NCOR1: variants seen among roughly 807,000 people sequenced by gnomAD.
NCOR1 encodes the protein protein phosphatase 1, regulatory subunit 109.
NCOR1 carries 63 observed loss-of-function variants against 288.1 expected under a neutral mutation model. That is an observed-to-expected ratio of 0.22 (90% CI 0.18 to 0.27). The LOEUF (loss-of-function observed/expected upper bound fraction) is 0.27, where lower values mean the gene tolerates loss of function less well. NCOR1 is among the 10% of genes least tolerant of loss of function. The pLI, the probability that NCOR1 is intolerant of heterozygous loss-of-function variation, is 1.00. For missense variants in NCOR1, 2,397 were observed against 3,019.2 expected, an observed-to-expected ratio of 0.79 and a Z score of 4.83; for synonymous variants, 1,007 against 1,065.9, an observed-to-expected ratio of 0.94 and a Z score of 1.08.
At position 16,101,402 on chromosome 17, in the gene NCOR1, C is replaced by G. The variant is rs111909325; in HGVS notation, c.2538G>C (p.Leu846Phe). 1.5e-5 allele frequency: 25 copies of G among 1,614,100 alleles called. No homozygotes were observed. Among genetic ancestry groups the G allele is most frequent in the Non-Finnish European group, 2.1e-5 (25 of 1,180,050 alleles). Residue 846 changes from leucine (L) to phenylalanine (F), a missense_variant, in exon 20 of 46, where the codon TTG (leucine) becomes TTC (phenylalanine). Leu to Phe is a conservative substitution (Grantham distance 22). Around this residue, in one of 11 missense-constraint regions of NCOR1, gnomAD observed 1,872 missense variants for 2,187.8 expected, o/e 0.86. Coordinates refer to ENST00000268712, the MANE Select transcript of NCOR1 (RefSeq NM_006311.4). The part of the protein sequence containing the change: ...VEGDNTKERD[L>F]DRASEKVEPR... ...GTTCCACCTTCTCACTGGCTCTATC[C>G]AAGTCTCTTTCTTTGGTATTATCAC...
chr17:16,092,670 TA>T lies in NCOR1; in HGVS notation c.2821-613del, dbSNP rs1567957574. ...ATTTATATATATATATATATATATA[TA>T]TATATATATATATATATATATATAT... On this transcript the variant is annotated intron_variant, in intron 21 of 45. Transcript: ENST00000268712. Among the ~76,000 whole-genome samples, 114 of 15,868 alleles carry T rather than the reference TA, an allele frequency of 7.2e-3. 5 individuals carry two copies. Among genetic ancestry groups the T allele is most frequent in the African/African-American group, 0.033 (108 of 3,234 alleles). 10.4% of individuals were successfully genotyped at this position (15,868 alleles called of 152,430 possible). A position where few individuals can be genotyped will look rare whatever the true frequency, so the allele number is the denominator to read the frequency against.
chr17:16,052,057 G>A (rs930522759), intron 40 of NCOR1, among the ~76,000 whole-genome samples: 6 of 152,146 alleles, frequency 3.9e-5, no homozygotes, highest in African/African-American at 1.4e-4. Flanking sequence ...CGCCCAGGCT[G>A]GAGTGCGGTG....
chr17:16,144,852 T>C (rs914138309), intron 10 of NCOR1, among the ~76,000 whole-genome samples: 1 of 150,744 alleles, frequency 6.6e-6, no homozygotes, highest in Non-Finnish European at 1.5e-5. Flanking sequence ...TTGCCGAAGC[T>C]GGACTGTACC....
At chr17:16,214,493 G>A (rs1194625811) in intron 1 of NCOR1, among the ~76,000 whole-genome samples, 5 of 152,278 alleles carry the variant, frequency 3.3e-5, no homozygotes, top group African/African-American at 1.2e-4. Context: ...CAAATCTGAT[G>A]CAGGTTTACA....
chr17:16,167,516 G>A (rs2153451152), intron 4 of NCOR1, among the ~76,000 whole-genome samples: 1 of 151,906 alleles, frequency 6.6e-6, no homozygotes, highest in African/African-American at 2.4e-5. Flanking sequence ...AAAAGCAAAA[G>A]ATATAAAAGA....
intron 18 of NCOR1, among the ~76,000 whole-genome samples, chr17:16,116,806 G>A (rs1365145336): frequency 6.6e-6 from 1 of 152,152 alleles, no homozygotes; most frequent in African/African-American, 2.4e-5. Context: ...AACTTTTACT[G>A]CGTCATCAAG....
chr17:16,169,853 T>C (rs1186517841), intron 4 of NCOR1, among the ~76,000 whole-genome samples: 1 of 152,216 alleles, frequency 6.6e-6, no homozygotes, highest in African/African-American at 2.4e-5. Context: ...AATTTCTTTT[T>C]TTTAATGCAG....
rs962353089 is a variant in NCOR1 at position 16,059,729 on chromosome 17, G to A, written c.5882-1130C>T. The stretch of plus-strand genomic sequence containing the variant: ...GAGCACTGTCAGAGCTCCAAAGGGT[G>A]CATGGCCCTGGGCTGGACACAGATG... On this transcript the variant is annotated intron_variant, in intron 37 of 45. Coordinates refer to ENST00000268712, the MANE Select transcript of NCOR1 (RefSeq NM_006311.4). Among the ~76,000 whole-genome samples, 3 of 152,268 alleles carry A rather than the reference G, an allele frequency of 2.0e-5. No homozygotes were observed. The South Asian group carries it at 6.2e-4, about 32-fold the overall frequency.
At chr17:16,196,478 T>C (rs1480014150) in intron 1 of NCOR1, among the ~76,000 whole-genome samples, 1 of 152,124 alleles carries the variant, frequency 6.6e-6, no homozygotes, top group East Asian at 1.9e-4. Flanking sequence ...AAGACCAGTC[T>C]GGGCAATGAA....
chr17:16,097,769 G>A (rs534072458), intron 21 of NCOR1, among the ~76,000 whole-genome samples: 127 of 152,252 alleles, frequency 8.3e-4, no homozygotes, highest in African/African-American at 2.7e-3. Context: ...GAGGAGAGTC[G>A]GAGGAATCCC....
Position 16,064,726 on chromosome 17 carries a change from G to A in NCOR1, c.5101+144C>T, listed in dbSNP as rs1254974781. ...ATTCCTAAGGTATCTAGTGACAGCT[G>A]GCACATAAGAACTACTATTAAATGT... On this transcript the variant is annotated intron_variant, in intron 34 of 45. Transcript: ENST00000268712. 4.4e-6 allele frequency: 3 copies of A among 683,388 alleles called. No individual in the cohort carries two copies. In the African/African-American group the frequency reaches 5.6e-5, roughly 13 times the overall value. 42.3% of individuals were successfully genotyped at this position (683,388 alleles called of 1,614,324 possible). A position where few individuals can be genotyped will look rare whatever the true frequency, so the allele number is the denominator to read the frequency against.
intron 21 of NCOR1, among the ~76,000 whole-genome samples, chr17:16,096,308 AAAAAT>A (rs1440122112): frequency 2.0e-5 from 3 of 152,222 alleles, no homozygotes; most frequent in South Asian, 2.1e-4. Flanking sequence ...TCAATAAAAA[AAAAAT>A]AAAATAAAGA....
At chr17:16,082,726 G>GAAA (rs890676444) in intron 23 of NCOR1, among the ~76,000 whole-genome samples, 1 of 120,554 alleles carries the variant, frequency 8.3e-6, no homozygotes, top group Non-Finnish European at 1.8e-5. Flanking sequence ...GAGAGAAAAA[G>GAAA]AAAAAAAAAA....
intron 21 of NCOR1, among the ~76,000 whole-genome samples, chr17:16,094,835 G>T (rs1048956063): frequency 6.6e-6 from 1 of 152,116 alleles, no homozygotes; most frequent in Non-Finnish European, 1.5e-5. Context: ...CTGAGGTGCC[G>T]GGATTGCAGA....
At chr17:16,154,373 G>A (rs559685003) in intron 6 of NCOR1, among the ~76,000 whole-genome samples, 11 of 152,080 alleles carry the variant, frequency 7.2e-5, no homozygotes, top group African/African-American at 2.4e-4. Flanking sequence ...ACATATGTTC[G>A]GTATGTTCTA....
chr17:16,213,881 TA>T (rs1239539707), intron 1 of NCOR1, among the ~76,000 whole-genome samples: 1 of 152,184 alleles, frequency 6.6e-6, no homozygotes, highest in African/African-American at 2.4e-5. Flanking sequence ...AAGCCTTTTG[TA>T]AAAGGAAAGA....
intron 35 of NCOR1, among the ~76,000 whole-genome samples, chr17:16,062,975 C>T (rs2060700503): frequency 6.6e-6 from 1 of 152,130 alleles, no homozygotes; most frequent in African/African-American, 2.4e-5. Context: ...TCAAATCCCT[C>T]CCCAGTCACT....
chr17:16,083,641 G>GT lies in NCOR1; in HGVS notation c.3177+2640dup, dbSNP rs981371810. On this transcript the variant is annotated intron_variant, in intron 23 of 45. Transcript: ENST00000268712. The stretch of plus-strand genomic sequence containing the variant: ...ACTATAATTTGAAGCATTCTCAGAT[G>GT]TTTGGGGGGAAACATCCTCGTAAAA... Among the ~76,000 whole-genome samples the GT allele has an allele frequency of 1.0e-4, 15 of 148,854 alleles. 1 individual carries two copies. Among genetic ancestry groups the GT allele is most frequent in the Admixed American group, 8.0e-4 (12 of 14,956 alleles).
Position 16,139,044 on chromosome 17 carries a change from A to G in NCOR1, c.1316T>C (p.Val439Ala). 6.2e-7 allele frequency: 1 copy of G among 1,600,604 alleles called. No individual in the cohort carries two copies. Among genetic ancestry groups the G allele is most frequent in the African/African-American group, 1.3e-5 (1 of 74,814 alleles). Residue 439 changes from valine (V) to alanine (A), a missense_variant, in exon 12 of 46, where the codon GTT (valine) becomes GCT (alanine). Around this residue, in one of 11 missense-constraint regions of NCOR1, gnomAD observed 80 missense variants for 100.3 expected, o/e 0.80. Transcript: ENST00000268712. Reference protein sequence around the residue: ...KVYKDRQFMNVWTDHEKEIFK... With the variant: ...KVYKDRQFMNAWTDHEKEIFK... Reference sequence around the variant, plus strand: ...GATCTCCTTTTCATGGTCAGTCCAAACATTCATAAACTGCCTATCTTTATA... The same window carrying G: ...GATCTCCTTTTCATGGTCAGTCCAAGCATTCATAAACTGCCTATCTTTATA...
Sources: allele counts gnomAD v4.1 joint callset (sites outside exome capture counted in the v4.1 genomes callset), GRCh38; gene constraint gnomAD v4.1.1; regional missense constraint gnomAD v4.1.1; transcripts MANE v1.5; gene names NCBI Gene and HGNC (gene_info 2026-07-23, HGNC 2026-07-21).